The following EYS variants were observed in gnomAD, a reference collection of about 807,000 sequenced individuals.
The protein encoded by EYS is EGF-like photoreceptor maintenance factor, also known as protein eyes shut homolog.
EYS carries 250 observed loss-of-function variants against 282.1 expected under a neutral mutation model. The observed-to-expected ratio is 0.89, with a 90% confidence interval of 0.80 to 0.98. The LOEUF is 0.98. Among genes scored for constraint, EYS ranks in the 50% least tolerant of loss-of-function variants. The pLI is 0.00. For synonymous variants in EYS, 1,355 were observed against 1,282.9 expected, an observed-to-expected ratio of 1.06 and a Z score of -1.20; for missense variants, 4,016 against 3,709.0, an observed-to-expected ratio of 1.08 and a Z score of -2.15.
intron 19 of EYS, among the ~76,000 whole-genome samples, chr6:64,826,651 A>C (rs1283137278): frequency 6.8e-6 from 1 of 147,846 alleles, no homozygotes; most frequent in African/African-American, 2.5e-5. Flanking sequence ...GAAATTATAT[A>C]TATTCCTATT....
intron 26 of EYS, among the ~76,000 whole-genome samples, chr6:64,583,843 C>T (rs1157960973): frequency 2.0e-5 from 3 of 151,788 alleles, no homozygotes; most frequent in African/African-American, 4.8e-5. Flanking sequence ...TCTAATTTCA[C>T]TAAAACGTAA....
At chr6:65,491,765 T>C (rs1156310204) in intron 4 of EYS, among the ~76,000 whole-genome samples, 2 of 152,166 alleles carry the variant, frequency 1.3e-5, no homozygotes, top group Non-Finnish European at 2.9e-5. Context: ...CAAATTCATA[T>C]GTTGAAGTCC....
At chr6:64,274,325 C>A (rs1204338895) in intron 30 of EYS, among the ~76,000 whole-genome samples, 3 of 152,040 alleles carry the variant, frequency 2.0e-5, no homozygotes, top group African/African-American at 7.2e-5. Flanking sequence ...CAGGCCCGCG[C>A]CACCACGCCG....
At chr6:64,917,641 C>T (rs1768207784) in intron 15 of EYS, among the ~76,000 whole-genome samples, 1 of 152,038 alleles carries the variant, frequency 6.6e-6, no homozygotes, top group Non-Finnish European at 1.5e-5. Flanking sequence ...TCATGACTAT[C>T]ATTAATAACA....
At chr6:64,372,410 G>A (rs551696455) in intron 29 of EYS, among the ~76,000 whole-genome samples, 2 of 152,058 alleles carry the variant, frequency 1.3e-5, no homozygotes, top group African/African-American at 4.8e-5. Flanking sequence ...CAAGTCTGCT[G>A]TTAGCCTGAC....
intron 33 of EYS, among the ~76,000 whole-genome samples, chr6:64,024,290 A>G (rs528137507): frequency 2.0e-5 from 3 of 152,190 alleles, no homozygotes; most frequent in African/African-American, 7.2e-5. Flanking sequence ...AGGGTTTGTG[A>G]ATGCACCAAT....
chr6:64,027,529 A>T (rs1769587262), intron 33 of EYS, among the ~76,000 whole-genome samples: 1 of 152,198 alleles, frequency 6.6e-6, no homozygotes, highest in African/African-American at 2.4e-5. Flanking sequence ...ACAGGCCCGA[A>T]AGGAAAAGCA....
chr6:64,266,554 C>A (rs1044927145), intron 30 of EYS, among the ~76,000 whole-genome samples: 6 of 152,030 alleles, frequency 3.9e-5, no homozygotes, highest in African/African-American at 1.2e-4. Flanking sequence ...TGATTTAAGA[C>A]CTTATATACC....
At chr6:63,779,763 T>A (rs1455545943) in intron 39 of EYS, among the ~76,000 whole-genome samples, 2 of 151,900 alleles carry the variant, frequency 1.3e-5, no homozygotes, top group African/African-American at 2.4e-5. Context: ...TTTGTCATTG[T>A]TATACTTTAA....
intron 38 of EYS, among the ~76,000 whole-genome samples, chr6:63,788,693 C>G (rs1770429814): frequency 6.6e-6 from 1 of 152,140 alleles, no homozygotes; most frequent in African/African-American, 2.4e-5. Flanking sequence ...TTATCTGTCT[C>G]TAACCACTTC....
rs1768559023 is a variant in EYS, at chr6:65,550,149, T to TCATGGCATCTCAAACTTG, written c.-332-54157_-332-54156insCAAGTTTGAGATGCCATG. ...GTATCTGACTCTACTATATCTTTTT[T>TCATGGCATCTCAAACTTG]TTTTTTTTTTTTTTTTTTTTTTTTT... On this transcript the variant is annotated intron_variant, in intron 2 of 42. Coordinates refer to ENST00000503581, the MANE Select transcript of EYS (RefSeq NM_001142800.2). Among the ~76,000 whole-genome samples, 53 of 14,378 alleles carry TCATGGCATCTCAAACTTG rather than the reference T, an allele frequency of 3.7e-3. 4 individuals carry two copies. The highest frequency in any genetic ancestry group is 0.042 in the Middle Eastern group (1 of 24). The allele number at this position is 14,378 out of a possible 152,430, so 9.4% of individuals were successfully genotyped here. A position where few individuals can be genotyped will look rare whatever the true frequency, so the allele number is the denominator to read the frequency against.
chr6:65,360,174 T>C (rs1040492593), intron 8 of EYS, among the ~76,000 whole-genome samples: 7 of 151,970 alleles, frequency 4.6e-5, no homozygotes, highest in Non-Finnish European at 2.9e-5. Flanking sequence ...TATTCACTTA[T>C]CCTTCTGAAG....
intron 33 of EYS, among the ~76,000 whole-genome samples, chr6:64,056,079 G>A (rs1297428043): frequency 6.6e-6 from 1 of 152,126 alleles, no homozygotes; most frequent in African/African-American, 2.4e-5. Flanking sequence ...TCCCCTTACA[G>A]ACAGCTGAGG....
rs974156249 is a variant in EYS, at chr6:65,027,828, T to C, written c.2137+29786A>G. On this transcript the variant is annotated intron_variant, in intron 13 of 42. Coordinates refer to ENST00000503581, the MANE Select transcript of EYS (RefSeq NM_001142800.2). The stretch of plus-strand genomic sequence containing the variant: ...AAGGCATGTTGTTTGTTTGCATTTA[T>C]TGGTGAATACGTATAAAGGTGAATA... Among the ~76,000 whole-genome samples the C allele has an allele frequency of 9.8e-5, 15 of 152,318 alleles. No individual in the cohort carries two copies. The East Asian group carries it at 1.7e-3, about 18-fold the overall frequency.
intron 12 of EYS, among the ~76,000 whole-genome samples, chr6:65,247,705 G>C (rs765324379): frequency 4.6e-5 from 7 of 152,016 alleles, no homozygotes; most frequent in Non-Finnish European, 1.0e-4. Context: ...AGAAGGATTA[G>C]AATGCATTAC....
At chr6:64,555,492 T>G (rs942444130) in intron 26 of EYS, among the ~76,000 whole-genome samples, 4 of 151,896 alleles carry the variant, frequency 2.6e-5, no homozygotes, top group Admixed American at 2.6e-4. Flanking sequence ...GAGATTATTT[T>G]GAGTGTTATT....
intron 31 of EYS, among the ~76,000 whole-genome samples, chr6:64,151,335 A>ATATATT (rs1554212626): frequency 3.8e-5 from 4 of 104,044 alleles, no homozygotes; most frequent in African/African-American, 2.1e-4. Flanking sequence ...ATATATATAT[A>ATATATT]TATATATATA....
At chr6:64,729,539 T>C (rs142461196) in intron 22 of EYS, among the ~76,000 whole-genome samples, 1 of 152,200 alleles carries the variant, frequency 6.6e-6, no homozygotes, top group Non-Finnish European at 1.5e-5. Flanking sequence ...AACAAGTGAA[T>C]GTAGTTCACA....
intron 31 of EYS, among the ~76,000 whole-genome samples, chr6:64,144,005 A>G (rs1033458024): frequency 1.1e-4 from 16 of 152,288 alleles, no homozygotes; most frequent in South Asian, 1.0e-3. Context: ...AAAAGCATGA[A>G]AACAGTTTTC....
Sources: gnomAD v4.1 joint callset for allele counts (sites outside exome capture counted in the v4.1 genomes callset) on GRCh38, gnomAD v4.1.1 for gene constraint, MANE v1.5 for transcripts, NCBI Gene and HGNC (gene_info 2026-07-23, HGNC 2026-07-21) for gene names.